ZFYVE28: variants seen among roughly 807,000 people sequenced by gnomAD.
ZFYVE28 encodes the protein zinc finger FYVE-type containing 28.
ZFYVE28 carries 40 observed loss-of-function variants against 82.1 expected under a neutral mutation model. The observed-to-expected ratio is 0.49, with a 90% confidence interval of 0.38 to 0.63. The LOEUF is 0.63. Ranked by LOEUF, ZFYVE28 falls within the 30% of genes least tolerant of loss-of-function variation. The probability of loss-of-function intolerance (pLI) is 0.00; values close to 1 mark genes in which losing one functional copy is unlikely to be tolerated. For synonymous variants in ZFYVE28, 612 were observed against 546.1 expected (o/e 1.12, Z -1.68); for missense variants, 1,321 against 1,242.1 (o/e 1.06, Z -0.96).
Position 2,327,251 on chromosome 4 carries a change from AATATATATATATATATATATAT to A in ZFYVE28, c.702-7002_702-6981del, listed in dbSNP as rs67940269. On this transcript the variant is annotated intron_variant, in intron 6 of 12. Coordinates refer to ENST00000290974, the MANE Select transcript of ZFYVE28 (RefSeq NM_020972.3). ...GGTGACGGAGCAAGACTCCATCTCA[AATATATATATATATATATATAT>A]ATATATATATATATATATATATATA... Among the ~76,000 whole-genome samples, 475 of 87,304 alleles carry A rather than the reference AATATATATATATATATATATAT, an allele frequency of 5.4e-3. 14 individuals carry two copies. The highest frequency in any genetic ancestry group is 0.018 in the African/African-American group (346 of 19,380). The allele number at this position is 87,304 out of a possible 152,430, so 57.3% of individuals were successfully genotyped here.
At chr4:2,336,200 A>G (rs1388940661) in intron 5 of ZFYVE28, among the ~76,000 whole-genome samples, 2 of 152,124 alleles carry the variant, frequency 1.3e-5, no homozygotes, top group Non-Finnish European at 2.9e-5. Flanking sequence ...TACTGCCCCA[A>G]ACAATTCAAC....
chr4:2,301,577 C>T (rs1022401032), intron 8 of ZFYVE28, among the ~76,000 whole-genome samples: 1 of 152,136 alleles, frequency 6.6e-6, no homozygotes, highest in Non-Finnish European at 1.5e-5. Flanking sequence ...AGGCTGTGTC[C>T]ATCATGGGGC....
At chr4:2,351,533 G>T (rs1051363050) in intron 2 of ZFYVE28, among the ~76,000 whole-genome samples, 2 of 152,196 alleles carry the variant, frequency 1.3e-5, no homozygotes, top group Admixed American at 6.5e-5. Context: ...GGCCAACATG[G>T]TGAAACCCCG....
chr4:2,342,871 C>T (rs948089034), intron 2 of ZFYVE28: 1 of 152,126 alleles, frequency 6.6e-6, no homozygotes, highest in Non-Finnish European at 1.5e-5. Flanking sequence ...GGAAAATGTC[C>T]TTGGGGAAAT....
At chr4:2,322,087 C>A (rs1719167913) in intron 6 of ZFYVE28, among the ~76,000 whole-genome samples, 1 of 152,246 alleles carries the variant, frequency 6.6e-6, no homozygotes, top group Non-Finnish European at 1.5e-5. Context: ...CAGGGCCGTG[C>A]ACTCCACAGT....
chr4:2,411,308 T>C (rs1732499137), intron 1 of ZFYVE28, among the ~76,000 whole-genome samples: 1 of 152,220 alleles, frequency 6.6e-6, no homozygotes, highest in Admixed American at 6.5e-5. Context: ...AAATGCTTAC[T>C]GTAAGAAGGA....
chr4:2,363,189 T>A (rs1433689450), intron 1 of ZFYVE28, among the ~76,000 whole-genome samples: 1 of 152,106 alleles, frequency 6.6e-6, no homozygotes, highest in African/African-American at 2.4e-5. Context: ...GTGGCATATA[T>A]GTCACCCAGC....
At chr4:2,345,895 A>C (rs1481816894) in intron 2 of ZFYVE28, among the ~76,000 whole-genome samples, 1 of 152,156 alleles carries the variant, frequency 6.6e-6, no homozygotes, top group South Asian at 2.1e-4. Context: ...ACATCTTTAA[A>C]GTATTAAGGG....
chr4:2,344,883 CA>C (rs779047188), intron 2 of ZFYVE28, among the ~76,000 whole-genome samples: 22 of 146,070 alleles, frequency 1.5e-4, no homozygotes, highest in Middle Eastern at 3.8e-3. Context: ...GCAATATGAG[CA>C]AAAAAAACTC....
intron 9 of ZFYVE28, among the ~76,000 whole-genome samples, chr4:2,273,564 C>G (rs1736112337): frequency 6.6e-6 from 1 of 152,216 alleles, no homozygotes; most frequent in Admixed American, 6.5e-5. Flanking sequence ...CTTTTATGCA[C>G]AGGTCACAGC....
chr4:2,309,946 A>C (rs1444806090), intron 7 of ZFYVE28, among the ~76,000 whole-genome samples: 1 of 152,298 alleles, frequency 6.6e-6, no homozygotes, highest in East Asian at 1.9e-4. Flanking sequence ...TTTCAAAATT[A>C]TATGATTTTT....
intron 1 of ZFYVE28, among the ~76,000 whole-genome samples, chr4:2,405,246 C>T (rs1022444260): frequency 8.5e-5 from 13 of 152,190 alleles, no homozygotes; most frequent in African/African-American, 2.9e-4. Flanking sequence ...CTCCAAGCGG[C>T]ACCGCGAAGG....
chr4:2,316,989 CT>C (rs35604630), intron 7 of ZFYVE28, among the ~76,000 whole-genome samples: 31,836 of 125,438 alleles, frequency 0.25, 3,536 homozygotes, highest in Middle Eastern at 0.36. Context: ...GTTTCTTTAA[CT>C]TTTTTTTTTT....
intron 6 of ZFYVE28, among the ~76,000 whole-genome samples, chr4:2,322,014 ACC>A (rs1719153594): frequency 6.6e-6 from 1 of 152,088 alleles, no homozygotes; most frequent in Admixed American, 6.5e-5. Context: ...GCCTGCGGGG[ACC>A]CAAGACCCCC....
At chr4:2,358,590 G>A (rs1725674923) in intron 1 of ZFYVE28, among the ~76,000 whole-genome samples, 1 of 152,188 alleles carries the variant, frequency 6.6e-6, no homozygotes, top group Admixed American at 6.5e-5. Context: ...GCCTCTGAAT[G>A]GTCTCCCATG....
chr4:2,318,047 C>T (rs1718487836), intron 7 of ZFYVE28, among the ~76,000 whole-genome samples: 1 of 152,218 alleles, frequency 6.6e-6, no homozygotes, highest in Non-Finnish European at 1.5e-5. Context: ...CTTGAATGCC[C>T]CCAAGCTGCC....
chr4:2,346,435 A>G (rs2108871929), intron 2 of ZFYVE28, among the ~76,000 whole-genome samples: 1 of 152,210 alleles, frequency 6.6e-6, no homozygotes, highest in Middle Eastern at 3.4e-3. Context: ...AAGGGAAAAG[A>G]GACCACTGGA....
At chr4:2,389,011 A>G (rs898011101) in intron 1 of ZFYVE28, among the ~76,000 whole-genome samples, 36 of 152,108 alleles carry the variant, frequency 2.4e-4, no homozygotes, top group African/African-American at 8.4e-4. Context: ...GCTGGTTTGC[A>G]TTTCTACCAT....
At chr4:2,413,316 G>A (rs1164161200) in intron 1 of ZFYVE28, among the ~76,000 whole-genome samples, 2 of 152,242 alleles carry the variant, frequency 1.3e-5, no homozygotes, top group African/African-American at 2.4e-5. Flanking sequence ...CTGCACTCCC[G>A]CTGACCACAG....
Sources: allele counts gnomAD v4.1 joint callset (sites outside exome capture counted in the v4.1 genomes callset), GRCh38; gene constraint gnomAD v4.1.1; transcripts MANE v1.5; gene names NCBI Gene and HGNC (gene_info 2026-07-23, HGNC 2026-07-21).